C8orf74: variants seen among roughly 807,000 people sequenced by gnomAD.
The protein encoded by C8orf74 is uncharacterized protein C8orf74.
A neutral mutation model predicts 22.2 loss-of-function variants in C8orf74; 29 were observed. The ratio of observed to expected loss-of-function variants is 1.31; its 90% CI spans 0.97 to 1.78. The LOEUF is 1.78. Among genes scored for constraint, C8orf74 ranks in the 40% most tolerant of loss-of-function variants. The pLI is 0.00. For missense variants in C8orf74, 515 were observed against 369.9 expected, an observed-to-expected ratio of 1.39 and a Z score of -3.22; for synonymous variants, 255 against 163.1, an observed-to-expected ratio of 1.56 and a Z score of -4.30.
intron 2 of C8orf74, 81 bp from the exon 3 acceptor site, chr8:10,697,518 C>A: frequency 1.6e-6 from 2 of 1,223,792 alleles, no homozygotes; most frequent in South Asian, 1.4e-5. Context: ...ACCAGGCTGT[C>A]GGGGTGCAGA....
intron 2 of C8orf74, among the ~76,000 whole-genome samples, chr8:10,696,179 G>C (rs143016782): frequency 1.3e-5 from 2 of 151,942 alleles, no homozygotes; most frequent in Admixed American, 1.3e-4. Context: ...TGATGGGAGA[G>C]CCCTGCCTCT....
At chr8:10,680,287 T>A (rs762708588) in intron 2 of C8orf74, among the ~76,000 whole-genome samples, 11 of 152,208 alleles carry the variant, frequency 7.2e-5, no homozygotes, top group Non-Finnish European at 1.6e-4. Flanking sequence ...GATAGTTTCC[T>A]CTCTGTGCCT....
intron 2 of C8orf74, among the ~76,000 whole-genome samples, chr8:10,680,248 C>T (rs566486049): frequency 3.3e-5 from 5 of 152,272 alleles, no homozygotes; most frequent in South Asian, 2.1e-4. Flanking sequence ...AATCCCACTG[C>T]GGTCACGACA....
chr8:10,688,025 G>A (rs1799296790), intron 2 of C8orf74, among the ~76,000 whole-genome samples: 2 of 152,066 alleles, frequency 1.3e-5, no homozygotes, highest in Admixed American at 1.3e-4. Flanking sequence ...GGCCAATAAG[G>A]TGAAGTCTGT....
intron 2 of C8orf74, among the ~76,000 whole-genome samples, chr8:10,682,819 G>T (rs34837434): frequency 6.6e-6 from 1 of 152,178 alleles, no homozygotes. Context: ...CCTGCCTTCC[G>T]CAAGAGACTA....
Position 10,700,112 on chromosome 8 carries a change from C to T in C8orf74, c.649-123C>T, listed in dbSNP as rs540595449. On this transcript the variant is annotated intron_variant, in intron 3 of 3. Coordinates refer to ENST00000304519, the MANE Select transcript of C8orf74 (RefSeq NM_001040032.2). Reference sequence around the variant, plus strand: ...GCCAGAGGTCCAGGCAACCACGGCCCGTGGGCAGGGTGAGACGGATGGACA... The same window carrying T: ...GCCAGAGGTCCAGGCAACCACGGCCTGTGGGCAGGGTGAGACGGATGGACA... The T allele has an allele frequency of 3.0e-5, 18 of 597,420 alleles. No homozygotes were observed. In the South Asian group the frequency reaches 3.4e-4, roughly 11 times the overall value. 37.0% of individuals were successfully genotyped at this position (597,420 alleles called of 1,614,324 possible). A position where few individuals can be genotyped will look rare whatever the true frequency, so the allele number is the denominator to read the frequency against.
intron 2 of C8orf74, chr8:10,691,177 GACTCC>G: frequency 2.9e-6 from 1 of 348,080 alleles, no homozygotes; most frequent in Non-Finnish European, 5.7e-6. Context: ...TCAGCCCAGG[GACTCC>G]TTCCCTGTTG....
At chr8:10,696,441 CTTTTTTTTT>C (rs546082377) in intron 2 of C8orf74, among the ~76,000 whole-genome samples, 5 of 102,442 alleles carry the variant, frequency 4.9e-5, no homozygotes, top group Non-Finnish European at 7.6e-5. Context: ...CTTTTCTTTT[CTTTTTTTTT>C]TTTTTTTTTT....
chr8:10,699,677 G>A (rs1459104863), intron 3 of C8orf74, among the ~76,000 whole-genome samples: 3 of 152,160 alleles, frequency 2.0e-5, no homozygotes, highest in Admixed American at 1.3e-4. Context: ...CCTATGGCTG[G>A]CTGGGTGGAG....
chr8:10,687,547 G>A (rs1405980909), intron 2 of C8orf74, among the ~76,000 whole-genome samples: 2 of 149,840 alleles, frequency 1.3e-5, no homozygotes, highest in Non-Finnish European at 3.0e-5. Context: ...GGGAGGCGGA[G>A]GTTGCAGTCA....
At chr8:10,691,415 A>C (rs1439679763) in intron 2 of C8orf74, 1 of 159,168 alleles carries the variant, frequency 6.3e-6, no homozygotes, top group Non-Finnish European at 1.4e-5. Flanking sequence ...GGCCTTCGCC[A>C]ATGAGGCAGA....
At chr8:10,673,136 C>T (rs1798952444) in intron 1 of C8orf74, among the ~76,000 whole-genome samples, 1 of 152,062 alleles carries the variant, frequency 6.6e-6, no homozygotes, top group African/African-American at 2.4e-5. Flanking sequence ...TCTAGGCCTC[C>T]CTCTGTCACT....
chr8:10,699,361 A>G (rs1396898400), intron 3 of C8orf74, among the ~76,000 whole-genome samples: 1 of 152,230 alleles, frequency 6.6e-6, no homozygotes, highest in Non-Finnish European at 1.5e-5. Context: ...CTTATAGCAC[A>G]ACCTTCCCCA....
intron 2 of C8orf74, among the ~76,000 whole-genome samples, chr8:10,695,412 T>C (rs527274011): frequency 1.3e-5 from 2 of 152,262 alleles, no homozygotes; most frequent in South Asian, 2.1e-4. Flanking sequence ...CTCCAGTCTG[T>C]GATTCTGCAT....
chr8:10,686,275 C>A (rs146523043), intron 2 of C8orf74, among the ~76,000 whole-genome samples: 8 of 152,316 alleles, frequency 5.3e-5, no homozygotes, highest in Admixed American at 5.2e-4. Context: ...GATTTTGCTA[C>A]TGAATAGCAG....
intron 2 of C8orf74, among the ~76,000 whole-genome samples, chr8:10,683,772 C>T (rs565306603): frequency 1.2e-4 from 19 of 152,294 alleles, no homozygotes; most frequent in East Asian, 3.9e-4. Flanking sequence ...CCCGTCTTTC[C>T]GGTGTCTGAG....
At chr8:10,683,639 G>A (rs1234485911) in intron 2 of C8orf74, among the ~76,000 whole-genome samples, 1 of 152,180 alleles carries the variant, frequency 6.6e-6, no homozygotes, top group Non-Finnish European at 1.5e-5. Flanking sequence ...AAGATGCACT[G>A]GCAGTGCCCC....
At position 10,687,820 on chromosome 8, in the gene C8orf74, A is replaced by G. The variant is rs116340834; in HGVS notation, c.242-9779A>G. On this transcript the variant is annotated intron_variant, in intron 2 of 3. Transcript: ENST00000304519. ...CATTTAATTATAGCATACACAGAGAAAAATGCATAAATTATAAATCTTCAT... is the reference window on the plus strand; with the variant it reads ...CATTTAATTATAGCATACACAGAGAGAAATGCATAAATTATAAATCTTCAT... Among the ~76,000 whole-genome samples the G allele has an allele frequency of 6.7e-3, 1,017 of 152,290 alleles. 8 individuals carry two copies. The highest frequency in any genetic ancestry group is 0.023 in the African/African-American group (970 of 41,554).
chr8:10,680,223 A>G (rs1325101059), intron 2 of C8orf74, among the ~76,000 whole-genome samples: 1 of 152,214 alleles, frequency 6.6e-6, no homozygotes, highest in African/African-American at 2.4e-5. Context: ...TCTGCAGTCA[A>G]AAAGTCTCAG....
Sources: gnomAD v4.1 joint callset for allele counts (sites outside exome capture counted in the v4.1 genomes callset) on GRCh38, gnomAD v4.1.1 for gene constraint, MANE v1.5 for transcripts, NCBI Gene and HGNC (gene_info 2026-07-23, HGNC 2026-07-21) for gene names.